Variants in MED13 observed in about 807,000 individuals in gnomAD.
MED13 encodes the protein mediator of RNA polymerase II transcription subunit 13.
In MED13, 23 loss-of-function variants were observed where a neutral mutation model predicts 225.2. That is an observed-to-expected ratio of 0.10 (90% CI 0.07 to 0.14). The LOEUF is 0.14. MED13 is among the 10% of genes least tolerant of loss of function. MED13 has a pLI of 1.00. For missense variants in MED13, 2,197 were observed against 2,594.5 expected (o/e 0.85, Z 3.33); for synonymous variants, 942 against 889.2 (o/e 1.06, Z -1.06).
chr17:61,993,758 C>T (rs181919184), intron 10 of MED13, among the ~76,000 whole-genome samples: 1 of 151,654 alleles, frequency 6.6e-6, no homozygotes, highest in Non-Finnish European at 1.5e-5. Context: ...GGAGAAATCT[C>T]GTCTCTACTG....
intron 3 of MED13, among the ~76,000 whole-genome samples, chr17:62,048,047 T>TACATATAC (rs891955999): frequency 1.0e-3 from 143 of 138,506 alleles, no homozygotes; most frequent in East Asian, 3.5e-3. Context: ...CATATACATA[T>TACATATAC]ATATATATAT....
At chr17:62,052,174 G>A (rs2080962427) in intron 3 of MED13, among the ~76,000 whole-genome samples, 1 of 152,066 alleles carries the variant, frequency 6.6e-6, no homozygotes, top group Non-Finnish European at 1.5e-5. Context: ...TCCTTAACAG[G>A]TGTTGTTACT....
Position 62,010,726 on chromosome 17 carries a change from T to C in MED13, c.1791A>G (p.Thr597=). 1.2e-6 allele frequency: 2 copies of C among 1,612,572 alleles called. No individual in the cohort carries two copies. The highest frequency in any genetic ancestry group is 1.7e-6 in the Non-Finnish European group (2 of 1,179,072). Residue 597 remains threonine, a synonymous_variant, in exon 9 of 30, where the codon ACA becomes ACG. Coordinates refer to ENST00000397786, the MANE Select transcript of MED13 (RefSeq NM_005121.3). ...PPQYQEAVEP[T]VYVGTAVNLE... Reference sequence around the variant, plus strand: ...AGTTTACTGCTGTACCAACATATACTGTAGGTTCTACAGCTTCCTGATATT... The same window carrying C: ...AGTTTACTGCTGTACCAACATATACCGTAGGTTCTACAGCTTCCTGATATT...
intron 8 of MED13, among the ~76,000 whole-genome samples, chr17:62,025,289 A>G (rs1382679771): frequency 6.6e-6 from 1 of 152,250 alleles, no homozygotes; most frequent in East Asian, 1.9e-4. Flanking sequence ...ATCCTTATTT[A>G]TCAATACTGA....
intron 2 of MED13, among the ~76,000 whole-genome samples, chr17:62,062,423 C>T (rs2089359212): frequency 6.6e-6 from 1 of 152,118 alleles, no homozygotes; most frequent in African/African-American, 2.4e-5. Context: ...AGATTATGAT[C>T]CCATGTCCCA....
chr17:62,062,176 A>G (rs1180979882), intron 2 of MED13, among the ~76,000 whole-genome samples: 1 of 152,214 alleles, frequency 6.6e-6, no homozygotes, highest in African/African-American at 2.4e-5. Context: ...TTATCTGTCA[A>G]AAATCATTAT....
chr17:61,995,430 T>A lies in MED13; in HGVS notation c.1968-65A>T, dbSNP rs568657477. 4.2e-5 allele frequency: 47 copies of A among 1,111,546 alleles called. No individual in the cohort carries two copies. In the East Asian group the frequency reaches 1.1e-3, roughly 27 times the overall value. 68.9% of individuals were successfully genotyped at this position (1,111,546 alleles called of 1,614,324 possible). A position where few individuals can be genotyped will look rare whatever the true frequency, so the allele number is the denominator to read the frequency against. On this transcript the variant is annotated intron_variant, in intron 9 of 29. Transcript: ENST00000397786. ...GCATTAAAAATTTCCAAAATGACGT[T>A]AAGTATCATAATGTTTTTAGAATTA...
At chr17:61,952,495 C>T (rs2079904968) in intron 27 of MED13, among the ~76,000 whole-genome samples, 1 of 152,042 alleles carries the variant, frequency 6.6e-6, no homozygotes. Context: ...ATGACTAATG[C>T]CAAATGGTCT....
chr17:61,988,670 A>G (rs949897000), intron 11 of MED13, among the ~76,000 whole-genome samples: 4 of 152,130 alleles, frequency 2.6e-5, no homozygotes, highest in Non-Finnish European at 5.9e-5. Context: ...TGTTTCCTAT[A>G]TCCCAGGGAA....
chr17:62,019,659 GACA>G (rs1327363559), intron 8 of MED13, among the ~76,000 whole-genome samples: 2 of 151,980 alleles, frequency 1.3e-5, no homozygotes, highest in Non-Finnish European at 2.9e-5. Context: ...CTAAATTTTT[GACA>G]ACATTAAATC....
intron 9 of MED13, chr17:62,003,859 C>T (rs1310281383): frequency 6.6e-6 from 1 of 152,274 alleles, no homozygotes; most frequent in East Asian, 1.9e-4. Context: ...TATGCTTCCT[C>T]CTTCTCATTC....
intron 3 of MED13, among the ~76,000 whole-genome samples, chr17:62,039,427 C>T (rs2080833810): frequency 6.6e-6 from 1 of 151,958 alleles, no homozygotes; most frequent in Non-Finnish European, 1.5e-5. Context: ...GGATTACAGG[C>T]ACCCATGACC....
At chr17:62,060,644 C>CAAA (rs565314177) in intron 2 of MED13, among the ~76,000 whole-genome samples, 6 of 84,698 alleles carry the variant, frequency 7.1e-5, no homozygotes, top group Non-Finnish European at 4.7e-5. Flanking sequence ...GACTCCGTCT[C>CAAA]AAAAAAAAAA....
chr17:62,065,103 C>T lies in MED13; in HGVS notation c.66+37G>A. On this transcript the variant is annotated intron_variant, in intron 1 of 29. Coordinates refer to ENST00000397786, the MANE Select transcript of MED13 (RefSeq NM_005121.3). Reference sequence around the variant, plus strand: ...CACGGCCCAAGGGCGCACCTCGCGGCCCCCCTCCCTCGGCGCCCGCCGGCC... The same window carrying T: ...CACGGCCCAAGGGCGCACCTCGCGGTCCCCCTCCCTCGGCGCCCGCCGGCC... 5 of 1,509,812 alleles carry T rather than the reference C, an allele frequency of 3.3e-6. No homozygotes were observed. In the South Asian group the frequency reaches 3.7e-5, roughly 11 times the overall value. 93.5% of individuals were successfully genotyped at this position (1,509,812 alleles called of 1,614,324 possible).
intron 8 of MED13, among the ~76,000 whole-genome samples, chr17:62,018,957 C>T (rs1158178611): frequency 7.1e-6 from 1 of 141,098 alleles, no homozygotes; most frequent in African/African-American, 2.5e-5. Flanking sequence ...ATCGAAAGAT[C>T]CATTCAGTTA....
chr17:62,008,465 C>T (rs1017995587), intron 9 of MED13, among the ~76,000 whole-genome samples: 1 of 151,828 alleles, frequency 6.6e-6, no homozygotes, highest in African/African-American at 2.4e-5. Context: ...CAGAAGAGAT[C>T]GCGTTTTTTT....
intron 8 of MED13, among the ~76,000 whole-genome samples, chr17:62,028,661 G>C (rs897529827): frequency 3.3e-5 from 5 of 151,404 alleles, no homozygotes; most frequent in African/African-American, 1.2e-4. Flanking sequence ...CTAACACAGT[G>C]AAACCCTGTC....
rs1202640084 is a variant in MED13, at chr17:62,036,636, AAAATT to A, written c.471-1033_471-1029del. On this transcript the variant is annotated intron_variant, in intron 3 of 29. Coordinates refer to ENST00000397786, the MANE Select transcript of MED13 (RefSeq NM_005121.3). ...CTGGATAAGCAGAACATAGTGAATT[AAAATT>A]AAATTATAGTAAAAGTAATGCTAGA... Among the ~76,000 whole-genome samples, 5 of 152,242 alleles carry A rather than the reference AAAATT, an allele frequency of 3.3e-5. No homozygotes were observed. In the East Asian group the frequency reaches 9.6e-4, roughly 29 times the overall value.
intron 16 of MED13, among the ~76,000 whole-genome samples, chr17:61,978,385 G>A (rs1319848745): frequency 6.6e-6 from 1 of 152,054 alleles, no homozygotes; most frequent in Non-Finnish European, 1.5e-5. Context: ...CCGAGTAGCT[G>A]GGATTATAGG....
Sources: gnomAD v4.1 joint callset for allele counts (sites outside exome capture counted in the v4.1 genomes callset) on GRCh38, gnomAD v4.1.1 for gene constraint, MANE v1.5 for transcripts, NCBI Gene and HGNC (gene_info 2026-07-23, HGNC 2026-07-21) for gene names.